Variants in DISC1 observed in about 807,000 individuals in gnomAD.
The protein encoded by DISC1 is disrupted in schizophrenia 1 protein.
A neutral mutation model predicts 84.5 loss-of-function variants in DISC1; 57 were observed. The ratio of observed to expected loss-of-function variants is 0.67; its 90% confidence interval spans 0.55 to 0.84. The LOEUF (loss-of-function observed/expected upper bound fraction) is 0.84. Among genes scored for constraint, DISC1 ranks in the 40% least tolerant of loss-of-function variants. The pLI, the probability that DISC1 is intolerant of heterozygous loss-of-function variation, is 0.00. For missense variants in DISC1, 1,000 were observed against 1,057.8 expected (o/e 0.95, Z 0.76); for synonymous variants, 411 against 415.2 (o/e 0.99, Z 0.12).
intron 6 of DISC1, among the ~76,000 whole-genome samples, chr1:231,773,316 CA>C (rs1170683776): frequency 6.6e-6 from 1 of 152,190 alleles, no homozygotes; most frequent in Admixed American, 6.5e-5. Flanking sequence ...GGATGAGTCA[CA>C]GAGAAGGCAT....
chr1:231,661,135 G>A (rs566549877), intron 1 of DISC1, among the ~76,000 whole-genome samples: 17 of 151,598 alleles, frequency 1.1e-4, no homozygotes, highest in East Asian at 7.7e-4. Context: ...TTGGCTTCCC[G>A]TTGTAGGTGA....
At chr1:231,763,211 C>G (rs893171729) in intron 4 of DISC1, among the ~76,000 whole-genome samples, 2 of 152,194 alleles carry the variant, frequency 1.3e-5, no homozygotes, top group Admixed American at 1.3e-4. Flanking sequence ...AACTCTCCTT[C>G]CTGCTGTCTG....
At chr1:231,770,757 T>C (rs773215739) in intron 5 of DISC1, 78 bp from the exon 6 acceptor site, 3 of 1,559,282 alleles carry the variant, frequency 1.9e-6, no homozygotes, top group Non-Finnish European at 2.6e-6. Flanking sequence ...AATTCTCATT[T>C]AAACGAGTCA....
chr1:231,885,036 C>T lies in DISC1; in HGVS notation c.1981+66519C>T, dbSNP rs79348336. On this transcript the variant is annotated intron_variant, in intron 9 of 12. Coordinates refer to ENST00000439617, the MANE Select transcript of DISC1 (RefSeq NM_018662.3). ...AAGTTGTTATTAATAGTTCACCATG[C>T]TCATTTTCATGAAACAGAGGGAAAG... Among the ~76,000 whole-genome samples the T allele has an allele frequency of 1.1e-3, 165 of 152,266 alleles. 2 individuals are homozygous for T. The highest frequency in any genetic ancestry group is 3.5e-3 in the African/African-American group (145 of 41,552).
intron 9 of DISC1, among the ~76,000 whole-genome samples, chr1:231,898,823 C>T (rs1213306091): frequency 6.6e-6 from 1 of 151,982 alleles, no homozygotes; most frequent in Non-Finnish European, 1.5e-5. Flanking sequence ...ATCCCAGCTA[C>T]TCAGGAGGCT....
At chr1:231,674,056 T>A (rs1185871737) in intron 1 of DISC1, among the ~76,000 whole-genome samples, 1 of 152,154 alleles carries the variant, frequency 6.6e-6, no homozygotes, top group African/African-American at 2.4e-5. Flanking sequence ...GTTACTTATC[T>A]CCTATAAACC....
chr1:231,838,020 A>T (rs2125848475), intron 9 of DISC1, among the ~76,000 whole-genome samples: 1 of 152,286 alleles, frequency 6.6e-6, no homozygotes, highest in East Asian at 1.9e-4. Flanking sequence ...GAGTTTGCAA[A>T]CATTTATCAA....
chr1:231,907,132 T>TC (rs1571967528), intron 9 of DISC1, among the ~76,000 whole-genome samples: 3 of 27,176 alleles, frequency 1.1e-4, no homozygotes, highest in East Asian at 2.1e-3. Flanking sequence ...CCTTCCTTCC[T>TC]CTTTCTTTCT....
intron 1 of DISC1, among the ~76,000 whole-genome samples, chr1:231,651,506 A>G (rs193035766): frequency 2.0e-5 from 3 of 152,276 alleles, no homozygotes; most frequent in African/African-American, 7.2e-5. Flanking sequence ...GTCGGCCCCT[A>G]CTTGGAGGTG....
At chr1:231,754,839 A>G (rs2074963001) in intron 4 of DISC1, among the ~76,000 whole-genome samples, 1 of 152,206 alleles carries the variant, frequency 6.6e-6, no homozygotes, top group Admixed American at 6.5e-5. Flanking sequence ...TTAAACATTT[A>G]TCAAGCCAAT....
intron 10 of DISC1, among the ~76,000 whole-genome samples, chr1:231,978,152 T>TTATGGCCAAGAATGCGATTC (rs1663081635): frequency 6.6e-6 from 1 of 152,186 alleles, no homozygotes; most frequent in African/African-American, 2.4e-5. Flanking sequence ...GAATTTGATT[T>TTATGGCCAAGAATGCGATTC]TATGGCCAAG....
At chr1:232,028,184 G>A (rs1484586274) in intron 12 of DISC1, among the ~76,000 whole-genome samples, 1 of 152,102 alleles carries the variant, frequency 6.6e-6, no homozygotes, top group African/African-American at 2.4e-5. Context: ...CGTGTAAGGG[G>A]GTATGGCTTC....
At chr1:231,859,674 C>A (rs932252478) in intron 9 of DISC1, among the ~76,000 whole-genome samples, 11 of 152,180 alleles carry the variant, frequency 7.2e-5, no homozygotes, top group African/African-American at 2.2e-4. Flanking sequence ...ACATCAAAAT[C>A]TCTTCTGGCT....
intron 10 of DISC1, among the ~76,000 whole-genome samples, chr1:231,977,450 A>G (rs776735774): frequency 6.6e-6 from 1 of 152,070 alleles, no homozygotes; most frequent in African/African-American, 2.4e-5. Context: ...CTCCATCTTC[A>G]AAGTGCCTCA....
intron 9 of DISC1, among the ~76,000 whole-genome samples, chr1:231,958,432 T>C (rs1423401151): frequency 6.6e-6 from 1 of 152,220 alleles, no homozygotes; most frequent in Non-Finnish European, 1.5e-5. Context: ...TTCTGGTTCA[T>C]CTGTAGGATG....
chr1:231,681,822 A>G (rs375869077), intron 1 of DISC1, among the ~76,000 whole-genome samples: 30 of 151,984 alleles, frequency 2.0e-4, no homozygotes, highest in African/African-American at 6.0e-4. Flanking sequence ...CAGCCTCCCA[A>G]GTAGCTAGGA....
chr1:231,968,727 CG>C (rs1256973753), intron 10 of DISC1, among the ~76,000 whole-genome samples: 2 of 151,984 alleles, frequency 1.3e-5, no homozygotes, highest in Non-Finnish European at 2.9e-5. Flanking sequence ...TCCCTGTGGT[CG>C]ATCTGGAAGC....
intron 4 of DISC1, among the ~76,000 whole-genome samples, chr1:231,758,402 T>C (rs567615666): frequency 6.6e-6 from 1 of 152,052 alleles, no homozygotes; most frequent in South Asian, 2.1e-4. Context: ...TTTACTCCCA[T>C]GTGGGCCAGG....
At chr1:231,768,780 G>A (rs1466290915) in intron 5 of DISC1, among the ~76,000 whole-genome samples, 1 of 152,200 alleles carries the variant, frequency 6.6e-6, no homozygotes, top group Non-Finnish European at 1.5e-5. Context: ...TAGACAACTG[G>A]TATGTTATAG....
Sources: allele counts gnomAD v4.1 joint callset (sites outside exome capture counted in the v4.1 genomes callset), GRCh38; gene constraint gnomAD v4.1.1; transcripts MANE v1.5; gene names NCBI Gene and HGNC (gene_info 2026-07-23, HGNC 2026-07-21).